The following CSTF3 variants were observed in gnomAD, a reference collection of about 807,000 sequenced individuals.
The protein encoded by CSTF3 is cleavage stimulation factor subunit 3, also known as CF-1 77 kDa subunit.
Under a neutral mutation model 105.8 loss-of-function variants are expected in CSTF3, and 29 were observed. That is an observed-to-expected ratio of 0.27 (90% CI 0.20 to 0.37). CSTF3 has a LOEUF of 0.37. Among genes scored for constraint, CSTF3 ranks in the 10% least tolerant of loss-of-function variants. The pLI, the probability that CSTF3 is intolerant of heterozygous loss-of-function variation, is 1.00. For synonymous variants in CSTF3, 252 were observed against 281.9 expected (o/e 0.89, Z 1.06); for missense variants, 357 against 879.3 (o/e 0.41, Z 7.51).
chr11:33,133,787 G>A (rs1256481294), intron 3 of CSTF3, among the ~76,000 whole-genome samples: 1 of 152,208 alleles, frequency 6.6e-6, no homozygotes, highest in African/African-American at 2.4e-5. Flanking sequence ...TCAAGCCTGG[G>A]TGACAGAGCA....
At position 33,085,192 on chromosome 11, in the gene CSTF3, G is replaced by A. The variant is rs149939387; in HGVS notation, c.2049C>T (p.Ala683=). 5.0e-5 allele frequency: 80 copies of A among 1,614,022 alleles called. 1 individual carries two copies. The African/African-American group carries it at 7.9e-4, about 16-fold the overall frequency. The part of the protein sequence containing the change: ...PVESNAVLTK[A]VKRPNEDSDE... The stretch of plus-strand genomic sequence containing the variant: ...CTGAATCCTCGTTGGGCCTTTTGAC[G>A]GCCTTGGTGAGTACTGCATTACTTT... Residue 683 remains alanine (A), a synonymous_variant, in exon 21 of 21, where the codon GCC becomes GCT. Coordinates refer to ENST00000323959, the MANE Select transcript of CSTF3 (RefSeq NM_001326.3).
intron 8 of CSTF3, among the ~76,000 whole-genome samples, chr11:33,104,737 C>A (rs1179753236): frequency 6.6e-6 from 1 of 152,076 alleles, no homozygotes; most frequent in African/African-American, 2.4e-5. Context: ...TGCATTCCAG[C>A]CTCGGTGACA....
At position 33,085,137 on chromosome 11, in the gene CSTF3, G is replaced by C. The variant is rs776213981; in HGVS notation, c.2104C>G (p.Pro702Ala). The C allele has an allele frequency of 1.9e-6, 3 of 1,613,982 alleles. No individual in the cohort carries two copies. Among genetic ancestry groups the C allele is most frequent in the African/African-American group, 1.3e-5 (1 of 74,886 alleles). Residue 702 changes from proline (P) to alanine (A), a missense_variant, in exon 21 of 21, where the codon CCC (proline) becomes GCC (alanine). Pro to Ala is a conservative substitution (Grantham distance 27). Coordinates refer to ENST00000323959, the MANE Select transcript of CSTF3 (RefSeq NM_001326.3). ...DEDEEKGAVV[P>A]PVHDIYRARQ... Reference sequence around the variant, plus strand: ...GCTCTGTAAATGTCATGAACAGGGGGGACAACGGCTCCCTTTTCTTCATCT... The same window carrying C: ...GCTCTGTAAATGTCATGAACAGGGGCGACAACGGCTCCCTTTTCTTCATCT...
At position 33,099,803 on chromosome 11, in the gene CSTF3, G is replaced by A; in HGVS notation, c.827-86C>T. 1 of 789,378 alleles carries A rather than the reference G, an allele frequency of 1.3e-6. No homozygotes were observed. The highest frequency in any genetic ancestry group is 1.9e-6 in the Non-Finnish European group (1 of 528,578). 48.9% of individuals were successfully genotyped at this position (789,378 alleles called of 1,614,324 possible). On this transcript the variant is annotated intron_variant, in intron 10 of 20. Coordinates refer to ENST00000323959, the MANE Select transcript of CSTF3 (RefSeq NM_001326.3). The surrounding 1 kb of genome is among the most constrained non-coding windows in gnomAD (Gnocchi z 4.1). ...AATGTAAATATCATAACCAAATTAG[G>A]CTCCTCAAAAATTAATGATAATTAG...
intron 14 of CSTF3, 101 bp downstream of exon 14, chr11:33,096,734 G>T: frequency 1.7e-6 from 2 of 1,153,296 alleles, no homozygotes; most frequent in Non-Finnish European, 2.5e-6. Context: ...TTACAAAATG[G>T]AGCAATAAAA....
Position 33,084,984 on chromosome 11 carries a change from T to G in CSTF3, c.*103A>C. ...ATAGAGGCACCAATGACAATACAAC[T>G]TTGTTTCCAAGAACCTTGTAACAAA... is the stretch of plus-strand genomic sequence containing the variant. On this transcript the variant is annotated 3_prime_UTR_variant, in exon 21 of 21. Coordinates refer to ENST00000323959, the MANE Select transcript of CSTF3 (RefSeq NM_001326.3). 1 of 1,278,408 alleles carries G rather than the reference T, an allele frequency of 7.8e-7. No individual in the cohort carries two copies. The allele number at this position is 1,278,408 out of a possible 1,614,324, so 79.2% of individuals were successfully genotyped here.
At chr11:33,150,220 A>T (rs1231030538) in intron 1 of CSTF3, among the ~76,000 whole-genome samples, 1 of 14,876 alleles carries the variant, frequency 6.7e-5, no homozygotes. Context: ...GTCTCAAACT[A>T]AAAAAAAAAA....
At chr11:33,143,292 TG>T (rs1190656252) in intron 1 of CSTF3, among the ~76,000 whole-genome samples, 1 of 152,192 alleles carries the variant, frequency 6.6e-6, no homozygotes, top group Non-Finnish European at 1.5e-5. Context: ...CCAAATCCTT[TG>T]GTAAGGTAGT....
At position 33,085,057 on chromosome 11, in the gene CSTF3, C is replaced by CAGGAGTTTTCTGCAG. The variant is rs1564999803; in HGVS notation, c.*15_*29dup. The CAGGAGTTTTCTGCAG allele has an allele frequency of 6.2e-7, 1 of 1,611,406 alleles. No individual in the cohort carries two copies. The highest frequency in any genetic ancestry group is 8.5e-7 in the Non-Finnish European group (1 of 1,177,622). The stretch of plus-strand genomic sequence containing the variant: ...CACTTGAGGCAAAAGGAATCCTGGA[C>CAGGAGTTTTCTGCAG]AGGAGTTTTCTGCAGAGGCGTTTAA... On this transcript the variant is annotated 3_prime_UTR_variant, in exon 21 of 21. Coordinates refer to ENST00000323959, the MANE Select transcript of CSTF3 (RefSeq NM_001326.3).
intron 3 of CSTF3, among the ~76,000 whole-genome samples, chr11:33,116,179 C>T (rs1855429242): frequency 6.6e-6 from 1 of 152,022 alleles, no homozygotes; most frequent in Non-Finnish European, 1.5e-5. Flanking sequence ...ATTTTAATTC[C>T]TTGTACTAAC....
intron 1 of CSTF3, among the ~76,000 whole-genome samples, chr11:33,154,737 C>T (rs539909508): frequency 2.0e-5 from 3 of 151,998 alleles, no homozygotes; most frequent in Non-Finnish European, 4.4e-5. Context: ...CCAAGTGATC[C>T]GCCAGCCTCA....
chr11:33,112,255 G>GA (rs763272256), intron 3 of CSTF3, among the ~76,000 whole-genome samples: 1,477 of 139,098 alleles, frequency 0.011, 24 homozygotes, highest in African/African-American at 0.031. Context: ...ACTCTGTGTG[G>GA]AAAAAAAAAA....
chr11:33,095,360 TA>T (rs1450660921), intron 15 of CSTF3, among the ~76,000 whole-genome samples: 6 of 152,200 alleles, frequency 3.9e-5, no homozygotes, highest in Non-Finnish European at 7.3e-5. Context: ...CACACCTAGC[TA>T]AAAAACCAAC....
chr11:33,133,034 G>A (rs907440218), intron 3 of CSTF3, among the ~76,000 whole-genome samples: 6 of 151,796 alleles, frequency 4.0e-5, no homozygotes, highest in Admixed American at 6.6e-5. Flanking sequence ...GAATTGACAG[G>A]CATCATTTAC....
chr11:33,154,496 T>C (rs868606464), intron 1 of CSTF3, among the ~76,000 whole-genome samples: 15,341 of 138,622 alleles, frequency 0.11, 1,856 homozygotes, highest in African/African-American at 0.34. Context: ...ACTTTCTTTT[T>C]TTTTTTTTTT....
chr11:33,090,889 GA>G (rs1218015932), intron 16 of CSTF3, among the ~76,000 whole-genome samples, 162 bp from the exon 17 acceptor site: 4 of 152,084 alleles, frequency 2.6e-5, no homozygotes, highest in African/African-American at 9.7e-5. Flanking sequence ...ATAGTATAAT[GA>G]ATACCTATAT....
At chr11:33,157,536 T>C (rs1369955767) in intron 1 of CSTF3, among the ~76,000 whole-genome samples, 1 of 152,054 alleles carries the variant, frequency 6.6e-6, no homozygotes, top group East Asian at 1.9e-4. Flanking sequence ...CACTATAAGG[T>C]AATTCCAATA....
intron 1 of CSTF3, among the ~76,000 whole-genome samples, chr11:33,143,163 A>C (rs1193931234): frequency 6.6e-6 from 1 of 152,226 alleles, no homozygotes; most frequent in African/African-American, 2.4e-5. Flanking sequence ...AAAACTATAA[A>C]AGAAATCTGC....
At chr11:33,137,565 A>G (rs890290242) in intron 3 of CSTF3, among the ~76,000 whole-genome samples, 12 of 151,882 alleles carry the variant, frequency 7.9e-5, no homozygotes, top group African/African-American at 2.4e-4. Flanking sequence ...ACTTTATTCA[A>G]AGCACTTTCA....
Sources: gnomAD v4.1 joint callset for allele counts (sites outside exome capture counted in the v4.1 genomes callset) on GRCh38, gnomAD v4.1.1 for gene constraint, Gnocchi (gnomAD v3.1) non-coding constraint, MANE v1.5 for transcripts, NCBI Gene and HGNC (gene_info 2026-07-23, HGNC 2026-07-21) for gene names.